The following PXYLP1 variants were observed in gnomAD, a reference collection of about 807,000 sequenced individuals.
PXYLP1 encodes the protein 2-phosphoxylose phosphatase 1.
In PXYLP1, 17 loss-of-function variants were observed where a neutral mutation model predicts 37.9. The observed-to-expected ratio is 0.45, with a 90% CI of 0.31 to 0.67. The LOEUF (loss-of-function observed/expected upper bound fraction) is 0.67. PXYLP1 is among the 30% of genes least tolerant of loss of function. The pLI is 0.07. For synonymous variants in PXYLP1, 221 were observed against 232.2 expected (o/e 0.95, Z 0.44); for missense variants, 511 against 612.0 (o/e 0.84, Z 1.74).
chr3:141,278,210 CT>C lies in PXYLP1; in HGVS notation c.80-131del, dbSNP rs1308146450. 3.9e-6 allele frequency: 4 copies of C among 1,032,536 alleles called. No individual in the cohort carries two copies. In the African/African-American group the frequency reaches 6.4e-5, roughly 17 times the overall value. 64.0% of individuals were successfully genotyped at this position (1,032,536 alleles called of 1,614,324 possible). ...TTCTTGAATGGGAAGCTGACTTCTG[CT>C]CCACTGAAGTGCACCTTGATTCTCA... On this transcript the variant is annotated intron_variant, in intron 2 of 5. Transcript: ENST00000286353.
intron 2 of PXYLP1, chr3:141,274,354 A>G (rs915152228): frequency 7.0e-7 from 1 of 1,420,462 alleles, no homozygotes; most frequent in Non-Finnish European, 9.2e-7. Context: ...ACCAGGCCTT[A>G]CGGGACCCAA....
intron 1 of PXYLP1, among the ~76,000 whole-genome samples, chr3:141,245,045 C>T (rs940084412): frequency 6.6e-5 from 7 of 106,166 alleles, no homozygotes; most frequent in African/African-American, 1.0e-4. Context: ...CACTAACTCC[C>T]TTTTTTTTTT....
chr3:141,284,715 T>C (rs988877569), intron 4 of PXYLP1, among the ~76,000 whole-genome samples: 1 of 152,232 alleles, frequency 6.6e-6, no homozygotes, highest in Non-Finnish European at 1.5e-5. Flanking sequence ...AAATAGTTGT[T>C]ATTTGTATTA....
chr3:141,263,586 A>C (rs1308487862), intron 2 of PXYLP1, among the ~76,000 whole-genome samples: 1 of 152,186 alleles, frequency 6.6e-6, no homozygotes, highest in African/African-American at 2.4e-5. Flanking sequence ...TTATGTTTCC[A>C]CTTTTTGTGC....
At chr3:141,268,412 A>G (rs551543093) in intron 2 of PXYLP1, among the ~76,000 whole-genome samples, 2 of 152,170 alleles carry the variant, frequency 1.3e-5, no homozygotes, top group Non-Finnish European at 2.9e-5. Flanking sequence ...CTGCAGGGAG[A>G]GCGCGAGGCC....
rs1179314685 is a variant in PXYLP1, at chr3:141,248,742, TAC to T, written c.-53-11376_-53-11375del. Among the ~76,000 whole-genome samples the T allele has an allele frequency of 2.3e-4, 8 of 35,458 alleles. 1 individual carries two copies. The highest frequency in any genetic ancestry group is 0.014 in the Middle Eastern group (1 of 70). The allele number at this position is 35,458 out of a possible 152,430, so 23.3% of individuals were successfully genotyped here. On this transcript the variant is annotated intron_variant, in intron 1 of 5. Coordinates refer to ENST00000286353, the MANE Select transcript of PXYLP1 (RefSeq NM_001037172.3). The stretch of plus-strand genomic sequence containing the variant: ...ACGTATATACACACACGTGTATATA[TAC>T]ACACGTATATATATACACACACGTG...
intron 2 of PXYLP1, among the ~76,000 whole-genome samples, chr3:141,267,093 G>A (rs774561238): frequency 7.9e-5 from 12 of 152,136 alleles, no homozygotes; most frequent in Non-Finnish European, 1.5e-4. Context: ...TGATTCTGCC[G>A]AGGCACACGT....
chr3:141,278,427 C>G lies in PXYLP1; in HGVS notation c.165C>G (p.Pro55=). 6.2e-7 allele frequency: 1 copy of G among 1,614,188 alleles called. No individual in the cohort carries two copies. The highest frequency in any genetic ancestry group is 8.5e-7 in the Non-Finnish European group (1 of 1,180,028). The change falls in exon 3 of 6, where the codon CCC becomes CCG. Residue 55 remains proline (P), a synonymous_variant. Transcript: ENST00000286353. The stretch of plus-strand genomic sequence containing the variant: ...TCATGCCCGACCCTGTGACGGAGCC[C>G]CCTGTGACAGACCCCGTTTATGAAG... ...KRIMPDPVTE[P]PVTDPVYEAL... is the part of the protein sequence containing the mutation.
chr3:141,249,693 A>G (rs1329896026), intron 1 of PXYLP1, among the ~76,000 whole-genome samples: 3 of 152,184 alleles, frequency 2.0e-5, no homozygotes, highest in African/African-American at 7.2e-5. Context: ...TGCCAACTGC[A>G]TGTTCTCCTG....
At chr3:141,255,402 T>C (rs1228071173) in intron 1 of PXYLP1, among the ~76,000 whole-genome samples, 1 of 152,246 alleles carries the variant, frequency 6.6e-6, no homozygotes, top group Non-Finnish European at 1.5e-5. Context: ...TTGTGGGAAT[T>C]GGATTTGGTC....
At chr3:141,273,041 C>T (rs936634876) in intron 2 of PXYLP1, 56 of 985,366 alleles carry the variant, frequency 5.7e-5, no homozygotes, top group African/African-American at 5.2e-4. Context: ...TCCATACCTG[C>T]ACCCCCCAAC....
At chr3:141,237,329 A>G (rs1464977395) in intron 1 of PXYLP1, among the ~76,000 whole-genome samples, 1 of 152,248 alleles carries the variant, frequency 6.6e-6, no homozygotes, top group Non-Finnish European at 1.5e-5. Flanking sequence ...CAAGGTTTGT[A>G]GATGTCAGAG....
chr3:141,247,998 C>T (rs1007741346), intron 1 of PXYLP1, among the ~76,000 whole-genome samples: 30 of 148,764 alleles, frequency 2.0e-4, no homozygotes, highest in Non-Finnish European at 3.1e-4. Context: ...ATCAAAGCTT[C>T]GGAGCTTTTA....
chr3:141,282,483 A>AACACACACACACACACACACAC (rs3069374), intron 4 of PXYLP1, among the ~76,000 whole-genome samples: 1 of 147,524 alleles, frequency 6.8e-6, no homozygotes, highest in African/African-American at 2.5e-5. Context: ...AACCCAGACA[A>AACACACACACACACACACACAC]ACACACACAC....
At position 141,292,330 on chromosome 3, in the gene PXYLP1, C is replaced by T. The variant is rs1388261466; in HGVS notation, c.568C>T (p.Leu190Phe). ...GGATATCTATCTAAAGAAACACAAA[C>T]TCCTGCCCAATGATTGGTCTGCAGA... ...LRDIYLKKHK[L>F]LPNDWSADQL... Residue 190 changes from leucine to phenylalanine, a missense_variant, in exon 6 of 6, where the codon CTC (leucine) becomes TTC (phenylalanine). By Grantham distance (22) the Leu-to-Phe change is conservative (BLOSUM62 0). Transcript: ENST00000286353. The surrounding 1 kb of genome is among the most constrained non-coding windows in gnomAD (Gnocchi z 4.3). 3 of 1,613,762 alleles carry T rather than the reference C, an allele frequency of 1.9e-6. No homozygotes were observed. Among genetic ancestry groups the T allele is most frequent in the East Asian group, 2.2e-5 (1 of 44,882 alleles).
chr3:141,272,907 C>T, intron 2 of PXYLP1: 1 of 886,786 alleles, frequency 1.1e-6, no homozygotes, highest in Non-Finnish European at 1.4e-6. Flanking sequence ...GCAGCACACT[C>T]ATAGACACAC....
chr3:141,278,940 CT>C (rs906041050), intron 3 of PXYLP1, among the ~76,000 whole-genome samples: 1 of 152,194 alleles, frequency 6.6e-6, no homozygotes, highest in Non-Finnish European at 1.5e-5. Flanking sequence ...ACAAGTTTTG[CT>C]TTTGTAAAAG....
chr3:141,257,926 A>AG (rs1559885004), intron 1 of PXYLP1, among the ~76,000 whole-genome samples: 15 of 134,088 alleles, frequency 1.1e-4, no homozygotes, highest in East Asian at 4.2e-4. Context: ...AAAAAAAAAA[A>AG]GAGAGAGAGA....
chr3:141,275,331 G>A (rs1043377275), intron 2 of PXYLP1, among the ~76,000 whole-genome samples: 4 of 152,166 alleles, frequency 2.6e-5, no homozygotes, highest in Non-Finnish European at 4.4e-5. Flanking sequence ...GCCTCACCCC[G>A]GGTGCTTATA....
Sources: allele counts gnomAD v4.1 joint callset (sites outside exome capture counted in the v4.1 genomes callset), GRCh38; gene constraint gnomAD v4.1.1; non-coding constraint Gnocchi (gnomAD v3.1); transcripts MANE v1.5; gene names NCBI Gene and HGNC (gene_info 2026-07-23, HGNC 2026-07-21).